The following ATL2 variants were observed in gnomAD, a reference collection of about 807,000 sequenced individuals.
The protein encoded by ATL2 is atlastin-2.
A neutral mutation model predicts 73.9 loss-of-function variants in ATL2; 31 were observed. The ratio of observed to expected loss-of-function variants is 0.42; its 90% CI spans 0.32 to 0.57. The LOEUF (loss-of-function observed/expected upper bound fraction) is 0.57, where lower values mean the gene tolerates loss of function less well. Among genes scored for constraint, ATL2 ranks in the 20% least tolerant of loss-of-function variants. ATL2 has a pLI of 0.14. For synonymous variants in ATL2, 291 were observed against 237.5 expected, an observed-to-expected ratio of 1.23 and a Z score of -2.07; for missense variants, 738 against 702.6, an observed-to-expected ratio of 1.05 and a Z score of -0.57.
intron 1 of ATL2, among the ~76,000 whole-genome samples, chr2:38,370,150 CAAAAAAAAA>C (rs962952444): frequency 9.1e-5 from 4 of 43,928 alleles, no homozygotes; most frequent in Admixed American, 2.7e-4. Flanking sequence ...GAGACTCCGT[CAAAAAAAAA>C]AAAAAAAAAA....
At chr2:38,341,857 G>A (rs558270749) in intron 2 of ATL2, among the ~76,000 whole-genome samples, 2 of 152,318 alleles carry the variant, frequency 1.3e-5, no homozygotes, top group East Asian at 3.9e-4. Flanking sequence ...CGAAGAGAAT[G>A]CACACCCAAT....
intron 12 of ATL2, among the ~76,000 whole-genome samples, chr2:38,297,246 A>C (rs1434630893): frequency 6.6e-6 from 1 of 152,240 alleles, no homozygotes; most frequent in African/African-American, 2.4e-5. Flanking sequence ...TTCGGTCTTC[A>C]AGTTTATAGC....
Position 38,298,515 on chromosome 2 carries a change from G to A in ATL2, c.1261C>T (p.Leu421Phe), listed in dbSNP as rs1320077597. The change falls in exon 12 of 13, where the codon CTC (leucine) becomes TTC (phenylalanine). Residue 421 changes from leucine (L) to phenylalanine (F), a missense_variant. Coordinates refer to ENST00000378954, the MANE Select transcript of ATL2 (RefSeq NM_001135673.4). ...PSDLERKHLD[L>F]KEVAIKQFRS... is the part of the protein sequence containing the mutation. ...AATTGTTTTATCGCCACTTCCTTGA[G>A]ATCCAAGTGTTTTCGCTCCAGATCT... 1 of 1,614,032 alleles carries A rather than the reference G, an allele frequency of 6.2e-7. No individual in the cohort carries two copies. Among genetic ancestry groups the A allele is most frequent in the Non-Finnish European group, 8.5e-7 (1 of 1,180,010 alleles).
intron 5 of ATL2, 135 bp downstream of exon 5, chr2:38,315,149 G>A (rs1667960383): frequency 3.5e-6 from 3 of 867,438 alleles, no homozygotes; most frequent in Admixed American, 4.8e-5. Flanking sequence ...TACTTGGGAG[G>A]CTGAGGCAGG....
intron 2 of ATL2, among the ~76,000 whole-genome samples, chr2:38,329,423 CAA>C (rs70954711): frequency 0.044 from 600 of 13,550 alleles, 2 homozygotes; most frequent in African/African-American, 0.13. Context: ...ACTCCATCTC[CAA>C]AAAAAAAAAA....
chr2:38,315,375 G>T, intron 4 of ATL2, 41 bp from the exon 5 acceptor site: 1 of 1,485,254 alleles, frequency 6.7e-7, no homozygotes, highest in African/African-American at 1.5e-5. Flanking sequence ...TTAGTGTTTT[G>T]TTCTGAATAC....
chr2:38,347,133 C>G (rs767724396), intron 1 of ATL2, among the ~76,000 whole-genome samples: 2 of 151,956 alleles, frequency 1.3e-5, no homozygotes, highest in Non-Finnish European at 2.9e-5. Context: ...CTTAGTTTCC[C>G]ATCATAAGCA....
chr2:38,305,971 TAAA>T (rs1667428988), intron 9 of ATL2, among the ~76,000 whole-genome samples: 1 of 151,992 alleles, frequency 6.6e-6, no homozygotes, highest in African/African-American at 2.4e-5. Context: ...GTTGATTTTT[TAAA>T]AAGATAAACA....
At chr2:38,373,921 C>T (rs139747371) in intron 1 of ATL2, among the ~76,000 whole-genome samples, 58 of 152,234 alleles carry the variant, frequency 3.8e-4, no homozygotes, top group African/African-American at 1.3e-3. Flanking sequence ...GACAGAGTTT[C>T]GCTCTTGTTG....
At chr2:38,313,492 CAGT>C (rs1193181310) in intron 6 of ATL2, among the ~76,000 whole-genome samples, 2 of 152,040 alleles carry the variant, frequency 1.3e-5, no homozygotes, top group Admixed American at 6.5e-5. Flanking sequence ...TCACCACAAG[CAGT>C]AATACAGGAC....
intron 2 of ATL2, among the ~76,000 whole-genome samples, chr2:38,327,066 A>G (rs1275559846): frequency 6.6e-6 from 1 of 151,944 alleles, no homozygotes; most frequent in Non-Finnish European, 1.5e-5. Flanking sequence ...AAAAAGAAAA[A>G]AAAACCCCAC....
chr2:38,296,080 C>T lies in ATL2; in HGVS notation c.1666G>A (p.Glu556Lys). 1.3e-6 allele frequency: 2 copies of T among 1,551,406 alleles called. No individual in the cohort carries two copies. The highest frequency in any genetic ancestry group is 1.7e-6 in the Non-Finnish European group (2 of 1,146,806). Reference sequence around the variant, plus strand: ...TTTGTTACAGACTGCCTTATGTTTTCCTCCATCAAATTATCACCCAGGGGC... The same window carrying T: ...TTTGTTACAGACTGCCTTATGTTTTTCTCCATCAAATTATCACCCAGGGGC... ...LKPLGDNLME[E>K]NIRQSVTNSI... The change falls in exon 13 of 13, where the codon GAA (glutamate) becomes AAA (lysine). Residue 556 changes from glutamate to lysine, a missense_variant. Transcript: ENST00000378954.
chr2:38,345,283 G>A (rs550121773), intron 1 of ATL2, among the ~76,000 whole-genome samples: 25 of 152,166 alleles, frequency 1.6e-4, no homozygotes, highest in African/African-American at 4.6e-4. Context: ...CCACTAAGGC[G>A]TGGTACATTA....
intron 9 of ATL2, among the ~76,000 whole-genome samples, chr2:38,303,832 C>A (rs576240190): frequency 5.3e-5 from 8 of 152,144 alleles, no homozygotes; most frequent in Non-Finnish European, 1.2e-4. Context: ...CAAAGGTCAA[C>A]GGTAAAGAAT....
At chr2:38,321,901 G>C (rs1209973789) in intron 2 of ATL2, among the ~76,000 whole-genome samples, 4 of 151,966 alleles carry the variant, frequency 2.6e-5, no homozygotes, top group South Asian at 4.2e-4. Context: ...TTTGTAGAGA[G>C]GGGGTTTCGC....
intron 1 of ATL2, chr2:38,376,393 C>T: frequency 2.0e-6 from 1 of 501,830 alleles, no homozygotes; most frequent in Non-Finnish European, 3.4e-6. Flanking sequence ...TGACTTCACA[C>T]TACAGACACT....
rs559321490 is a variant in ATL2, at chr2:38,311,108, A to G, written c.805-661T>C. Among the ~76,000 whole-genome samples, 43 of 147,720 alleles carry G rather than the reference A, an allele frequency of 2.9e-4. No individual in the cohort carries two copies. In the South Asian group the frequency reaches 8.7e-3, roughly 30 times the overall value. ...CTTTAAAGTACTTACAACAGCAACA[A>G]AACAGAACAAAACAAAAAAAAAAGT... On this transcript the variant is annotated intron_variant, in intron 7 of 12. Coordinates refer to ENST00000378954, the MANE Select transcript of ATL2 (RefSeq NM_001135673.4).
chr2:38,300,254 C>G lies in ATL2; in HGVS notation c.1128+18G>C. On this transcript the variant is annotated intron_variant, in intron 10 of 12. Coordinates refer to ENST00000378954, the MANE Select transcript of ATL2 (RefSeq NM_001135673.4). ...AAATAAGTATATGTACAACACATAT[C>G]ACTCTCTCTCTCTCTACCTGAAGCA... 2.6e-6 allele frequency: 4 copies of G among 1,558,238 alleles called. No homozygotes were observed. The highest frequency in any genetic ancestry group is 3.5e-6 in the Non-Finnish European group (4 of 1,131,724).
At chr2:38,338,459 G>C (rs1231100385) in intron 2 of ATL2, among the ~76,000 whole-genome samples, 1 of 151,980 alleles carries the variant, frequency 6.6e-6, no homozygotes, top group Non-Finnish European at 1.5e-5. Context: ...TAAAATAAAA[G>C]TTAAAATTAT....
Sources: allele counts gnomAD v4.1 joint callset (sites outside exome capture counted in the v4.1 genomes callset), GRCh38; gene constraint gnomAD v4.1.1; transcripts MANE v1.5; gene names NCBI Gene and HGNC (gene_info 2026-07-23, HGNC 2026-07-21).